Variants in FBXO4 observed in about 807,000 individuals in gnomAD.
The protein encoded by FBXO4 is F-box only protein 4.
FBXO4 carries 36 observed loss-of-function variants against 43.7 expected under a neutral mutation model. The ratio of observed to expected loss-of-function variants is 0.82; its 90% confidence interval spans 0.63 to 1.09. The LOEUF is 1.09. Ranked by LOEUF, FBXO4 falls within the 50% of genes least tolerant of loss-of-function variation. FBXO4 has a pLI of 0.00. For synonymous variants in FBXO4, 180 were observed against 165.6 expected, an observed-to-expected ratio of 1.09 and a Z score of -0.67; for missense variants, 435 against 474.1, an observed-to-expected ratio of 0.92 and a Z score of 0.77.
At chr5:42,014,601 C>T in the FBXO4 span, among the ~76,000 whole-genome samples, 1 of 152,162 alleles carries the variant, frequency 6.6e-6, no homozygotes, top group African/African-American at 2.4e-5. Flanking sequence ...TTAGTTTCCT[C>T]ACCTACTTCA....
the FBXO4 span, among the ~76,000 whole-genome samples, chr5:41,966,842 A>G: frequency 6.6e-6 from 1 of 152,206 alleles, no homozygotes. Context: ...AATTTTTAAC[A>G]GAGGTGGCTT....
At chr5:41,930,467 G>A (rs1289083350) in intron 3 of FBXO4, among the ~76,000 whole-genome samples, 1 of 152,186 alleles carries the variant, frequency 6.6e-6, no homozygotes, top group Non-Finnish European at 1.5e-5. Flanking sequence ...CAAGATAGGT[G>A]TAGGTGAGGA....
At chr5:41,991,028 G>A in the FBXO4 span, among the ~76,000 whole-genome samples, 20 of 152,046 alleles carry the variant, frequency 1.3e-4, no homozygotes, top group Admixed American at 3.3e-4. Context: ...AAATATGATG[G>A]GTTGCTTAGA....
the FBXO4 span, among the ~76,000 whole-genome samples, chr5:42,036,952 T>C: frequency 0.38 from 57,789 of 151,822 alleles, 13,413 homozygotes; most frequent in African/African-American, 0.66. Flanking sequence ...GCTAATCCCA[T>C]TCCTCAGTCA....
chr5:42,031,351 C>A, the FBXO4 span, among the ~76,000 whole-genome samples: 1 of 150,984 alleles, frequency 6.6e-6, no homozygotes, highest in Admixed American at 6.6e-5. Context: ...AGCAAACTAT[C>A]ACAAGGACAA....
At chr5:41,945,883 A>G (rs575144762), downstream of FBXO4, among the ~76,000 whole-genome samples, 2 of 152,194 alleles carry the variant, frequency 1.3e-5, no homozygotes, top group African/African-American at 2.4e-5. Flanking sequence ...ATATCTTGCT[A>G]ATCATAGGTT....
At chr5:42,007,020 T>C in the FBXO4 span, among the ~76,000 whole-genome samples, 2 of 149,532 alleles carry the variant, frequency 1.3e-5, no homozygotes, top group East Asian at 3.9e-4. Context: ...AGGGATACAA[T>C]ACTTATTATG....
intron 3 of FBXO4, 126 bp downstream of exon 3, chr5:41,930,043 G>GCCCT: frequency 1.4e-6 from 1 of 729,224 alleles, no homozygotes; most frequent in Admixed American, 3.1e-5. Context: ...GTTGTTGGGA[G>GCCCT]CCCTACCAGG....
the FBXO4 span, among the ~76,000 whole-genome samples, chr5:42,004,150 C>T: frequency 6.6e-6 from 1 of 152,128 alleles, no homozygotes. Context: ...TAGACACCTC[C>T]TTGTAAAATC....
chr5:41,966,690 A>G, the FBXO4 span, among the ~76,000 whole-genome samples: 1 of 152,098 alleles, frequency 6.6e-6, no homozygotes, highest in African/African-American at 2.4e-5. Context: ...CTTTCTACTC[A>G]GTTACTACCA....
At chr5:41,979,538 A>G in the FBXO4 span, among the ~76,000 whole-genome samples, 3 of 152,164 alleles carry the variant, frequency 2.0e-5, no homozygotes, top group Non-Finnish European at 2.9e-5. Context: ...GTGTTTGATG[A>G]TATCTGTGGT....
chr5:41,929,900 C>A lies in FBXO4; in HGVS notation c.629C>A (p.Pro210His). 1 of 1,610,924 alleles carries A rather than the reference C, an allele frequency of 6.2e-7. No homozygotes were observed. Among genetic ancestry groups the A allele is most frequent in the Non-Finnish European group, 8.5e-7 (1 of 1,179,014 alleles). The change falls in exon 3 of 7, where the codon CCT becomes CAT. Residue 210 changes from proline (P) to histidine (H), a missense_variant. By Grantham distance (77) the Pro-to-His change is moderately conservative (BLOSUM62 -2). Coordinates refer to ENST00000281623, the MANE Select transcript of FBXO4 (RefSeq NM_012176.3). ...SEELCPTAGLPQRQIDGIGSG... is the reference protein window; with the variant it reads ...SEELCPTAGLHQRQIDGIGSG... The stretch of plus-strand genomic sequence containing the variant: ...GAACTTTGCCCAACAGCTGGTTTGC[C>A]TCAGAGGCAGATTGATGGTAATTTT...
At chr5:41,939,757 A>T in intron 6 of FBXO4, 141 bp downstream of exon 6, 2 of 463,276 alleles carry the variant, frequency 4.3e-6, no homozygotes, top group Non-Finnish European at 7.0e-6. Context: ...AAGCTATTTG[A>T]TTGGTGATAA....
the FBXO4 span, among the ~76,000 whole-genome samples, chr5:42,018,672 C>T: frequency 6.6e-6 from 1 of 152,078 alleles, no homozygotes; most frequent in Non-Finnish European, 1.5e-5. Flanking sequence ...TTGTTTGTCC[C>T]TAAGTCAATA....
chr5:41,974,075 C>T, the FBXO4 span, among the ~76,000 whole-genome samples: 1 of 152,180 alleles, frequency 6.6e-6, no homozygotes, highest in Non-Finnish European at 1.5e-5. Context: ...CATCATCTCT[C>T]TAATTGTTAT....
rs372269876 is a variant in FBXO4 at position 41,929,298 on chromosome 5, A to G, written c.426-399A>G. 5.3e-5 allele frequency among the ~76,000 whole-genome samples: 8 copies of G among 152,322 alleles called. No homozygotes were observed. In the East Asian group the frequency reaches 1.2e-3, roughly 22 times the overall value. Reference sequence around the variant, plus strand: ...TCTGCTAACTTCTTCTCCCCTCCCCAGTTGTGACAATAAACTTGTTGTTCA... The same window carrying G: ...TCTGCTAACTTCTTCTCCCCTCCCCGGTTGTGACAATAAACTTGTTGTTCA... On this transcript the variant is annotated intron_variant, in intron 2 of 6. Transcript: ENST00000281623.
the FBXO4 span, among the ~76,000 whole-genome samples, chr5:41,971,875 A>C: frequency 2.6e-5 from 4 of 152,178 alleles, no homozygotes; most frequent in South Asian, 8.3e-4. Context: ...TATTTTCAAA[A>C]ACATGCACAT....
At chr5:42,033,346 G>T in the FBXO4 span, among the ~76,000 whole-genome samples, 31 of 152,164 alleles carry the variant, frequency 2.0e-4, no homozygotes, top group African/African-American at 7.2e-4. Context: ...TGTCCACTTA[G>T]ACACACAGAA....
downstream of FBXO4, among the ~76,000 whole-genome samples, chr5:41,943,199 CT>C (rs1752029051): frequency 6.6e-6 from 1 of 152,056 alleles, no homozygotes; most frequent in Non-Finnish European, 1.5e-5. Context: ...TTAAAAAGAG[CT>C]ACAGGCTATT....
Sources: gnomAD v4.1 joint callset for allele counts (sites outside exome capture counted in the v4.1 genomes callset) on GRCh38, gnomAD v4.1.1 for gene constraint, MANE v1.5 for transcripts, NCBI Gene and HGNC (gene_info 2026-07-23, HGNC 2026-07-21) for gene names.